Variants in MSANTD2 observed in about 807,000 individuals in gnomAD.
MSANTD2 encodes myb/SANT-like DNA-binding domain-containing protein 2.
In MSANTD2, 19 loss-of-function variants were observed where a neutral mutation model predicts 52.6. The ratio of observed to expected loss-of-function variants is 0.36; its 90% CI spans 0.25 to 0.53. The LOEUF is 0.53. MSANTD2 is among the 20% of genes least tolerant of loss of function. The pLI, the probability that MSANTD2 is intolerant of heterozygous loss-of-function variation, is 0.91. For synonymous variants in MSANTD2, 291 were observed against 289.7 expected (o/e 1.00, Z -0.04); for missense variants, 558 against 716.3 (o/e 0.78, Z 2.52).
intron 1 of MSANTD2, among the ~76,000 whole-genome samples, chr11:124,793,777 C>T (rs944535902): frequency 2.6e-4 from 39 of 149,494 alleles, no homozygotes; most frequent in African/African-American, 8.7e-4. Context: ...CCTGGCACCA[C>T]CTCCTGGAAT....
intron 1 of MSANTD2, among the ~76,000 whole-genome samples, chr11:124,798,607 G>A (rs1002535385): frequency 2.0e-5 from 3 of 152,134 alleles, no homozygotes; most frequent in African/African-American, 7.2e-5. Context: ...ATCTTAGTTT[G>A]TGGACCCAGT....
In MSANTD2 at chr11:124,800,102, T is replaced by C. The variant is rs1337074573; in HGVS notation, c.279A>G (p.Ala93=). 8 of 1,482,096 alleles carry C rather than the reference T, an allele frequency of 5.4e-6. No individual in the cohort carries two copies. In the Admixed American group the frequency reaches 7.2e-5, roughly 13 times the overall value. 91.8% of individuals were successfully genotyped at this position (1,482,096 alleles called of 1,614,324 possible). The part of the protein sequence containing the change: ...SPGGGGGGAA[A]AAAAACRGMS... ...TGCCCCGGCAGGCGGCGGCGGCGGC[T>C]GCCGCAGCCCCGCCACCGCCGCCAC... The change falls in exon 1 of 4, where the codon GCA becomes GCG. Residue 93 remains alanine (A), a synonymous_variant. Coordinates refer to ENST00000374979, the MANE Select transcript of MSANTD2 (RefSeq NM_001308027.2). This position sits in a 1 kb window ranked among gnomAD's most constrained non-coding sequence, Gnocchi z 4.3.
chr11:124,788,665 G>T (rs2135262692), intron 1 of MSANTD2, among the ~76,000 whole-genome samples: 1 of 152,246 alleles, frequency 6.6e-6, no homozygotes, highest in Admixed American at 6.5e-5. Flanking sequence ...TGACTCTTTA[G>T]GGCTCCACAT....
rs1944367545 is a variant in MSANTD2 at position 124,768,044 on chromosome 11, A to G, written c.828-16T>C. 7 of 1,586,566 alleles carry G rather than the reference A, an allele frequency of 4.4e-6. No homozygotes were observed. The South Asian group carries it at 6.8e-5, about 15-fold the overall frequency. ...GTCTCTCTTCCTGGAAAGACAAATA[A>G]AAGTCAAATTCCCTAAGTATCTAGA... On this transcript the variant is annotated splice_polypyrimidine_tract_variant and intron_variant, in intron 3 of 3. Coordinates refer to ENST00000374979, the MANE Select transcript of MSANTD2 (RefSeq NM_001308027.2).
chr11:124,792,850 T>C (rs1945374387), intron 1 of MSANTD2: 1 of 152,158 alleles, frequency 6.6e-6, no homozygotes, highest in Non-Finnish European at 1.5e-5. Flanking sequence ...TGACAGGGAA[T>C]GAGCAAAATA....
intron 1 of MSANTD2, chr11:124,790,687 T>C (rs962648413): frequency 6.6e-6 from 1 of 152,416 alleles, no homozygotes; most frequent in Non-Finnish European, 1.5e-5. Flanking sequence ...AGACTAACCA[T>C]GTCATTGCCT....
intron 1 of MSANTD2, among the ~76,000 whole-genome samples, chr11:124,785,369 G>A (rs1275875310): frequency 6.6e-6 from 1 of 152,230 alleles, no homozygotes; most frequent in Non-Finnish European, 1.5e-5. Flanking sequence ...GGAGGAGACT[G>A]TGCAGGTATG....
chr11:124,778,388 A>C, intron 1 of MSANTD2, among the ~76,000 whole-genome samples: 1 of 152,212 alleles, frequency 6.6e-6, no homozygotes, highest in South Asian at 2.1e-4. Context: ...ATTAAAAACT[A>C]TTCTATTCAC....
At position 124,767,481 on chromosome 11, in the gene MSANTD2, C is replaced by T; in HGVS notation, c.1375G>A (p.Ala459Thr). 6.2e-7 allele frequency: 1 copy of T among 1,614,200 alleles called. No individual in the cohort carries two copies. The part of the protein sequence containing the change: ...EGRVDLETLS[A>T]QASLQVEIEP... ...ATTTCCACCTGTAATGAGGCTTGTG[C>T]TGAAAGGGTTTCCAGGTCAACCCGG... The change falls in exon 4 of 4, where the codon GCA becomes ACA. Residue 459 changes from alanine to threonine, a missense_variant. By Grantham distance (58) the Ala-to-Thr change is moderately conservative. Around this residue, in one of 2 missense-constraint regions of MSANTD2, gnomAD observed 408 missense variants for 573.6 expected, o/e 0.71. Coordinates refer to ENST00000374979, the MANE Select transcript of MSANTD2 (RefSeq NM_001308027.2). This position sits in a 1 kb window ranked among gnomAD's most constrained non-coding sequence, Gnocchi z 6.5.
intron 2 of MSANTD2, 129 bp from the exon 3 acceptor site, chr11:124,773,183 A>G (rs1453504114): frequency 1.6e-6 from 1 of 606,772 alleles, no homozygotes; most frequent in African/African-American, 1.9e-5. Context: ...AGTGTCAAAC[A>G]CTGTCCAATG....
chr11:124,768,663 G>A (rs1226087574), intron 3 of MSANTD2, among the ~76,000 whole-genome samples: 1 of 152,106 alleles, frequency 6.6e-6, no homozygotes, highest in Non-Finnish European at 1.5e-5. Flanking sequence ...AAAATTAATA[G>A]AAGTCAGGTT....
intron 3 of MSANTD2, 104 bp from the exon 4 acceptor site, chr11:124,768,132 G>A: frequency 2.8e-6 from 3 of 1,062,550 alleles, no homozygotes; most frequent in Non-Finnish European, 4.1e-6. Context: ...TGCCCAATAT[G>A]GTGGCCACTA....
At chr11:124,785,798 A>G (rs1945140070) in intron 1 of MSANTD2, among the ~76,000 whole-genome samples, 1 of 151,142 alleles carries the variant, frequency 6.6e-6, no homozygotes, top group Non-Finnish European at 1.5e-5. Flanking sequence ...ATATTAAGAT[A>G]TATGTATCAT....
At chr11:124,785,816 T>C (rs1945140780) in intron 1 of MSANTD2, among the ~76,000 whole-genome samples, 1 of 151,216 alleles carries the variant, frequency 6.6e-6, no homozygotes, top group South Asian at 2.1e-4. Context: ...CATATTTATA[T>C]ATGGTACACC....
At chr11:124,775,866 T>C (rs567677179) in intron 1 of MSANTD2, 8 of 152,376 alleles carry the variant, frequency 5.3e-5, no homozygotes, top group East Asian at 1.9e-4. Context: ...ATTTTTACCA[T>C]GGTCTTTATT....
chr11:124,791,664 A>G, intron 1 of MSANTD2: 1 of 1,390,498 alleles, frequency 7.2e-7, no homozygotes, highest in Non-Finnish European at 1.0e-6. Context: ...GCATTTGGTG[A>G]GGGCATTTCT....
intron 1 of MSANTD2, among the ~76,000 whole-genome samples, chr11:124,787,851 C>T (rs1483841073): frequency 3.3e-5 from 5 of 151,962 alleles, no homozygotes; most frequent in African/African-American, 1.2e-4. Context: ...CCAGCACTTT[C>T]GGAGGCCAAA....
At chr11:124,778,091 A>C (rs1944811800) in intron 1 of MSANTD2, among the ~76,000 whole-genome samples, 1 of 152,180 alleles carries the variant, frequency 6.6e-6, no homozygotes, top group Non-Finnish European at 1.5e-5. Context: ...TGGAATTAAG[A>C]CTGTGCGTGT....
At chr11:124,769,597 T>C (rs1233772849) in intron 3 of MSANTD2, among the ~76,000 whole-genome samples, 2 of 152,198 alleles carry the variant, frequency 1.3e-5, no homozygotes, top group Non-Finnish European at 2.9e-5. Context: ...GGAGTTGGGA[T>C]GGAGAGCAGA....
Sources: gnomAD v4.1 joint callset for allele counts (sites outside exome capture counted in the v4.1 genomes callset) on GRCh38, gnomAD v4.1.1 for gene constraint, gnomAD v4.1.1 regional missense constraint, Gnocchi (gnomAD v3.1) non-coding constraint, MANE v1.5 for transcripts, NCBI Gene and HGNC (gene_info 2026-07-23, HGNC 2026-07-21) for gene names.